The following PILRB variants were observed in gnomAD, a reference collection of about 807,000 sequenced individuals.
PILRB encodes paired immunoglobin like type 2 receptor beta.
A neutral mutation model predicts 20.5 loss-of-function variants in PILRB; 21 were observed. The observed-to-expected ratio is 1.02, with a 90% CI of 0.72 to 1.47. The LOEUF is 1.47. PILRB is among the 40% of genes most tolerant of loss of function. The pLI is 0.00. For synonymous variants in PILRB, 133 were observed against 115.1 expected (o/e 1.16, Z -0.99); for missense variants, 253 against 272.1 (o/e 0.93, Z 0.49).
Position 100,358,700 on chromosome 7 carries a change from A to G in PILRB, c.75A>G (p.Thr25=), listed in dbSNP as rs1321821248. The G allele has an allele frequency of 6.2e-7, 1 of 1,613,602 alleles. No individual in the cohort carries two copies. The highest frequency in any genetic ancestry group is 1.1e-5 in the South Asian group (1 of 91,078). ...CCCTCCTTCCTCTAGGTGGCTCCAC[A>G]GGATCTGGTCCAAGCTACCTTTATG... The part of the protein sequence containing the change: ...PPAFLQPGGS[T]GSGPSYLYGV... Residue 25 remains threonine, a synonymous_variant, in exon 2 of 4, where the codon ACA becomes ACG. Coordinates refer to ENST00000609309, the MANE Select transcript of PILRB (RefSeq NM_178238.4).
At chr7:100,361,745 T>C (rs1318827659) in intron 3 of PILRB, among the ~76,000 whole-genome samples, 10 of 152,204 alleles carry the variant, frequency 6.6e-5, no homozygotes, top group Middle Eastern at 3.4e-3. Flanking sequence ...CTATCAGCTA[T>C]GAAAGCACAG....
At chr7:100,359,295 A>G (rs754203486) in intron 2 of PILRB, 42 bp from the exon 3 acceptor site, 14 of 1,603,482 alleles carry the variant, frequency 8.7e-6, no homozygotes, top group Admixed American at 1.7e-5. Context: ...CAGACGCCCC[A>G]CACCCCCAGA....
intron 2 of PILRB, 113 bp from the exon 3 acceptor site, chr7:100,359,224 A>T: frequency 6.7e-7 from 1 of 1,503,334 alleles, no homozygotes; most frequent in Non-Finnish European, 9.2e-7. Context: ...TGGGCTTCTG[A>T]GAGCAGCTTG....
chr7:100,359,621 A>G (rs890946236), intron 3 of PILRB, 84 bp downstream of exon 3: 7 of 1,172,694 alleles, frequency 6.0e-6, no homozygotes, highest in Non-Finnish European at 8.7e-6. Context: ...GACTTCAGAA[A>G]TATGCAGACC....
At chr7:100,364,906 A>T (rs1409656695) in intron 3 of PILRB, among the ~76,000 whole-genome samples, 1 of 152,074 alleles carries the variant, frequency 6.6e-6, no homozygotes, top group Non-Finnish European at 1.5e-5. Flanking sequence ...GTGAACTATG[A>T]TTGTGCCACT....
chr7:100,363,866 T>A (rs1790599234), intron 3 of PILRB, among the ~76,000 whole-genome samples: 1 of 152,118 alleles, frequency 6.6e-6, no homozygotes, highest in African/African-American at 2.4e-5. Context: ...CCCAGCACTT[T>A]GGGAGGCTGA....
At chr7:100,362,797 G>A (rs941791329) in intron 3 of PILRB, among the ~76,000 whole-genome samples, 10 of 151,836 alleles carry the variant, frequency 6.6e-5, no homozygotes, top group Admixed American at 2.0e-4. Context: ...GCTGAGCCAC[G>A]GTGCCCAGCC....
chr7:100,367,307 A>T (rs1173161212), intron 3 of PILRB, 42 bp from the exon 4 acceptor site: 1 of 780,628 alleles, frequency 1.3e-6, no homozygotes, highest in Non-Finnish European at 2.4e-6. Context: ...TGCCTCACTA[A>T]TAATCCTGGC....
Position 100,358,687 on chromosome 7 carries a change from T to C in PILRB, c.65-3T>C. On this transcript the variant is annotated splice_region_variant and splice_polypyrimidine_tract_variant and intron_variant, in intron 1 of 3. Transcript: ENST00000609309. ...TCCCCCACTCACTCCCTCCTTCCTCTAGGTGGCTCCACAGGATCTGGTCCA... is the reference window on the plus strand; with the variant it reads ...TCCCCCACTCACTCCCTCCTTCCTCCAGGTGGCTCCACAGGATCTGGTCCA... 2.5e-6 allele frequency: 4 copies of C among 1,613,094 alleles called. No homozygotes were observed. Among genetic ancestry groups the C allele is most frequent in the Non-Finnish European group, 3.4e-6 (4 of 1,179,200 alleles).
Position 100,364,465 on chromosome 7 carries a change from T to G in PILRB, c.656-2884T>G, listed in dbSNP as rs568924168. Among the ~76,000 whole-genome samples, 3 of 152,322 alleles carry G rather than the reference T, an allele frequency of 2.0e-5. No individual in the cohort carries two copies. In the South Asian group the frequency reaches 6.2e-4, roughly 32 times the overall value. ...TTTTATTCCACAGGGGAAGGATGGT[T>G]TGTATTCTACAGGTGAAGTATGATC... On this transcript the variant is annotated intron_variant, in intron 3 of 3. Transcript: ENST00000609309.
intron 3 of PILRB, among the ~76,000 whole-genome samples, chr7:100,362,298 A>G (rs1470092151): frequency 6.6e-6 from 1 of 152,200 alleles, no homozygotes; most frequent in Non-Finnish European, 1.5e-5. Context: ...GTGAATATTG[A>G]TGGGAAAATC....
At chr7:100,360,066 C>T (rs1790483887) in intron 3 of PILRB, among the ~76,000 whole-genome samples, 1 of 152,142 alleles carries the variant, frequency 6.6e-6, no homozygotes. Flanking sequence ...GCCCTCTCCA[C>T]ACAGCTGGAT....
rs1790719051 is a variant in PILRB, at chr7:100,367,205, G to A, written c.656-144G>A. The A allele has an allele frequency of 3.4e-6, 3 of 872,156 alleles. No individual in the cohort carries two copies. The South Asian group carries it at 4.0e-5, about 11-fold the overall frequency. The allele number at this position is 872,156 out of a possible 1,614,324, so 54.0% of individuals were successfully genotyped here. On this transcript the variant is annotated intron_variant, in intron 3 of 3. Coordinates refer to ENST00000609309, the MANE Select transcript of PILRB (RefSeq NM_178238.4). Reference sequence around the variant, plus strand: ...GGGTTTGGAAATCAGGGACTGTGCTGCTAAGAACCCCACAAGCCCAGCCTG... The same window carrying A: ...GGGTTTGGAAATCAGGGACTGTGCTACTAAGAACCCCACAAGCCCAGCCTG...
chr7:100,365,257 T>A (rs1790644353), intron 3 of PILRB, among the ~76,000 whole-genome samples: 1 of 152,128 alleles, frequency 6.6e-6, no homozygotes, highest in Non-Finnish European at 1.5e-5. Context: ...ACCTCGGCCT[T>A]CCAAAGTGCT....
At chr7:100,366,428 G>C (rs570119720) in intron 3 of PILRB, among the ~76,000 whole-genome samples, 1 of 152,272 alleles carries the variant, frequency 6.6e-6, no homozygotes, top group Admixed American at 6.5e-5. Flanking sequence ...CTCTGTGGAC[G>C]TGGAGCCCTC....
rs150070909 is a variant in PILRB at position 100,362,065 on chromosome 7, A to G, written c.655+2528A>G. ...TCAAGGAACTACTGAGAGAGCAGGA[A>G]TGGAGAGCAGGGGGGTCAGCAGGAA... is the stretch of plus-strand genomic sequence containing the variant. On this transcript the variant is annotated intron_variant, in intron 3 of 3. Coordinates refer to ENST00000609309, the MANE Select transcript of PILRB (RefSeq NM_178238.4). 1.0e-3 allele frequency among the ~76,000 whole-genome samples: 155 copies of G among 152,278 alleles called. 1 individual carries two copies. Among genetic ancestry groups the G allele is most frequent in the African/African-American group, 3.6e-3 (148 of 41,572 alleles).
In PILRB at chr7:100,367,691, C is replaced by T. The variant is rs191449201; in HGVS notation, c.*314C>T. On this transcript the variant is annotated 3_prime_UTR_variant, in exon 4 of 4. Coordinates refer to ENST00000609309, the MANE Select transcript of PILRB (RefSeq NM_178238.4). ...ATAGCAGTGCAAAGAGTTCCTTTAT[C>T]CTCCCCAAGGATGGAAAAATACAAT... 81 of 370,030 alleles carry T rather than the reference C, an allele frequency of 2.2e-4. No individual in the cohort carries two copies. Among genetic ancestry groups the T allele is most frequent in the African/African-American group, 1.5e-3 (74 of 48,660 alleles). The allele number at this position is 370,030 out of a possible 1,614,324, so 22.9% of individuals were successfully genotyped here.
Position 100,358,922 on chromosome 7 carries a change from G to C in PILRB, c.297G>C (p.Leu99=), listed in dbSNP as rs1236451851. ...AGGATTATGTGAACCGGCTCTTTCT[G>C]AACTGGACAGAGGGTCAGGAGAGCG... ...IHKDYVNRLF[L]NWTEGQESGF... is the part of the protein sequence containing the mutation. The change falls in exon 2 of 4, where the codon CTG becomes CTC. Residue 99 remains leucine, a synonymous_variant. Coordinates refer to ENST00000609309, the MANE Select transcript of PILRB (RefSeq NM_178238.4). The C allele has an allele frequency of 6.2e-7, 1 of 1,614,142 alleles. No individual in the cohort carries two copies. The highest frequency in any genetic ancestry group is 8.5e-7 in the Non-Finnish European group (1 of 1,180,024).
At chr7:100,359,670 C>G in intron 3 of PILRB, 133 bp downstream of exon 3, 1 of 762,964 alleles carries the variant, frequency 1.3e-6, no homozygotes, top group South Asian at 1.6e-5. Flanking sequence ...CCGACTCTGG[C>G]CTGTGCTGGG....
Sources: gnomAD v4.1 joint callset for allele counts (sites outside exome capture counted in the v4.1 genomes callset) on GRCh38, gnomAD v4.1.1 for gene constraint, MANE v1.5 for transcripts, NCBI Gene and HGNC (gene_info 2026-07-23, HGNC 2026-07-21) for gene names.